GABRA3: variants seen among roughly 807,000 people sequenced by gnomAD.
GABRA3 encodes the protein gamma-aminobutyric acid receptor subunit alpha-3.
In GABRA3, 10 loss-of-function variants were observed where a neutral mutation model predicts 30.1. The ratio of observed to expected loss-of-function variants is 0.33; its 90% CI spans 0.20 to 0.56. GABRA3 has a LOEUF of 0.56. GABRA3 is among the 20% of genes least tolerant of loss of function. GABRA3 has a pLI of 0.89. For missense variants in GABRA3, 233 were observed against 392.0 expected, an observed-to-expected ratio of 0.59 and a Z score of 3.42; for synonymous variants, 151 against 146.8, an observed-to-expected ratio of 1.03 and a Z score of -0.21.
intron 3 of GABRA3, among the ~76,000 whole-genome samples, chrX:152,315,375 A>G (rs1473150808): frequency 9.0e-6 from 1 of 111,091 alleles, no homozygotes. Flanking sequence ...CAGGAAAGCC[A>G]TTTCTGACTT....
At chrX:152,182,548 A>C (rs1937173591) in intron 9 of GABRA3, among the ~76,000 whole-genome samples, 1 of 79,798 alleles carries the variant, frequency 1.3e-5, no homozygotes, top group Non-Finnish European at 2.3e-5. Flanking sequence ...TATAGTGTAT[A>C]TATACACTAT....
chrX:152,171,802 G>T (rs1943142985), intron 9 of GABRA3, among the ~76,000 whole-genome samples: 1 of 111,979 alleles, frequency 8.9e-6, no homozygotes. Context: ...AATTTCCCAA[G>T]GAGTTTGAAT....
At chrX:152,234,247 T>A (rs1004545890) in intron 5 of GABRA3, among the ~76,000 whole-genome samples, 5 of 110,211 alleles carry the variant, frequency 4.5e-5, no homozygotes, top group African/African-American at 1.6e-4. Flanking sequence ...AAAAAATAAA[T>A]AAAATAAATA....
chrX:152,362,913 T>C (rs1928549676), intron 2 of GABRA3, among the ~76,000 whole-genome samples: 1 of 112,023 alleles, frequency 8.9e-6, no homozygotes, highest in Non-Finnish European at 1.9e-5. Flanking sequence ...GTTATGTTTG[T>C]TCTTTAGGAT....
intron 2 of GABRA3, among the ~76,000 whole-genome samples, chrX:152,361,956 C>T (rs760575791): frequency 2.0e-4 from 22 of 111,777 alleles, no homozygotes; most frequent in Non-Finnish European, 3.0e-4. Flanking sequence ...TTATTTAGAA[C>T]CTTCATCTTA....
At chrX:152,286,317 A>G (rs1413331113) in intron 3 of GABRA3, among the ~76,000 whole-genome samples, 2 of 108,758 alleles carry the variant, frequency 1.8e-5, no homozygotes, top group Non-Finnish European at 3.8e-5. Context: ...ATTCCAGCGT[A>G]CCTCAAATGG....
intron 1 of GABRA3, among the ~76,000 whole-genome samples, chrX:152,397,885 G>A (rs1465877843): frequency 9.0e-6 from 1 of 111,345 alleles, no homozygotes; most frequent in Non-Finnish European, 1.9e-5. Flanking sequence ...GAAGCATGTA[G>A]TAGGTGCTTG....
intron 3 of GABRA3, among the ~76,000 whole-genome samples, chrX:152,326,266 T>C (rs5970275): frequency 9.0e-5 from 10 of 111,413 alleles, no homozygotes; most frequent in Non-Finnish European, 1.9e-4. Context: ...TGGAACCAAG[T>C]TGGAAAACAC....
At chrX:152,386,484 G>T (rs1329437226) in intron 1 of GABRA3, among the ~76,000 whole-genome samples, 2 of 110,570 alleles carry the variant, frequency 1.8e-5, no homozygotes, top group Non-Finnish European at 3.8e-5. Context: ...AAAAGTGGGC[G>T]AAGGACATGA....
intron 3 of GABRA3, among the ~76,000 whole-genome samples, chrX:152,308,402 T>G (rs1056460012): frequency 8.9e-6 from 1 of 112,277 alleles, no homozygotes; most frequent in Admixed American, 9.4e-5. Context: ...CCCAACAATG[T>G]TATTGCTGGC....
At chrX:152,433,783 A>C (rs1396532438) in intron 1 of GABRA3, among the ~76,000 whole-genome samples, 1 of 108,396 alleles carries the variant, frequency 9.2e-6, no homozygotes, top group Non-Finnish European at 1.9e-5. Context: ...ACTTTTACAC[A>C]GATAATGAGA....
chrX:152,322,848 T>G (rs1240000951), intron 3 of GABRA3, among the ~76,000 whole-genome samples: 41 of 74,967 alleles, frequency 5.5e-4, no homozygotes, highest in Middle Eastern at 5.8e-3. Flanking sequence ...TCTACTCTTT[T>G]TTTTTTTTTT....
intron 6 of GABRA3, among the ~76,000 whole-genome samples, chrX:152,210,628 T>C (rs1208582908): frequency 1.8e-5 from 2 of 112,384 alleles, no homozygotes; most frequent in Non-Finnish European, 3.8e-5. Context: ...AATAAGCAAA[T>C]GTGGAATTTT....
intron 1 of GABRA3, among the ~76,000 whole-genome samples, chrX:152,421,988 G>A (rs1226322173): frequency 9.0e-6 from 1 of 111,280 alleles, no homozygotes; most frequent in Non-Finnish European, 1.9e-5. Context: ...AAACTTCTTG[G>A]CAGTATCTAA....
intron 1 of GABRA3, among the ~76,000 whole-genome samples, chrX:152,412,618 A>G (rs1930101710): frequency 8.9e-6 from 1 of 111,985 alleles, no homozygotes; most frequent in Non-Finnish European, 1.9e-5. Flanking sequence ...AAGACCACAT[A>G]TTGTATGATT....
intron 1 of GABRA3, among the ~76,000 whole-genome samples, chrX:152,435,365 A>G (rs754968152): frequency 8.9e-6 from 1 of 111,839 alleles, no homozygotes; most frequent in African/African-American, 3.2e-5. Flanking sequence ...GCAGTGATAG[A>G]CTGGATGAAG....
intron 2 of GABRA3, among the ~76,000 whole-genome samples, chrX:152,355,975 T>A (rs1055314383): frequency 1.8e-5 from 2 of 111,662 alleles, no homozygotes; most frequent in Non-Finnish European, 3.8e-5. Context: ...ATGAACTCAT[T>A]GTAAGAAAGT....
At chrX:152,183,238 T>G (rs939072363) in intron 9 of GABRA3, among the ~76,000 whole-genome samples, 20 of 110,554 alleles carry the variant, frequency 1.8e-4, no homozygotes, top group African/African-American at 6.2e-4. Context: ...AGCTCCTTAT[T>G]CATTATTGGT....
chrX:152,234,043 T>G (rs1938145710), intron 5 of GABRA3, among the ~76,000 whole-genome samples: 1 of 66,162 alleles, frequency 1.5e-5, no homozygotes, highest in Non-Finnish European at 2.7e-5. Flanking sequence ...CTAGGGACTG[T>G]TGTGGGGTGG....
Sources: gnomAD v4.1 joint callset for allele counts (sites outside exome capture counted in the v4.1 genomes callset) on GRCh38, gnomAD v4.1.1 for gene constraint, MANE v1.5 for transcripts, NCBI Gene and HGNC (gene_info 2026-07-23, HGNC 2026-07-21) for gene names.